Variants in SOBP observed in about 807,000 individuals in gnomAD.
The protein encoded by SOBP is sine oculis-binding protein homolog.
Under a neutral mutation model 53.6 loss-of-function variants are expected in SOBP, and 4 were observed. The ratio of observed to expected loss-of-function variants is 0.07; its 90% CI spans 0.04 to 0.17. SOBP has a LOEUF of 0.17. Among genes scored for constraint, SOBP ranks in the 10% least tolerant of loss-of-function variants. The probability of loss-of-function intolerance (pLI) is 1.00; values close to 1 mark genes in which losing one functional copy is unlikely to be tolerated. For missense variants in SOBP, 1,088 were observed against 1,204.7 expected (o/e 0.90, Z 1.43); for synonymous variants, 584 against 522.6 (o/e 1.12, Z -1.60).
chr6:107,551,130 C>G (rs796718049), intron 4 of SOBP, among the ~76,000 whole-genome samples: 1 of 152,180 alleles, frequency 6.6e-6, no homozygotes, highest in South Asian at 2.1e-4. Flanking sequence ...GCCGAGAAAA[C>G]TGTGGCCCTG....
At chr6:107,532,749 A>T (rs1463600038) in intron 3 of SOBP, among the ~76,000 whole-genome samples, 1 of 151,994 alleles carries the variant, frequency 6.6e-6, no homozygotes, top group Non-Finnish European at 1.5e-5. Context: ...CCCTCCATCC[A>T]GGGCCCAGGA....
At chr6:107,620,200 T>C (rs1786952970) in intron 5 of SOBP, among the ~76,000 whole-genome samples, 1 of 152,332 alleles carries the variant, frequency 6.6e-6, no homozygotes, top group Middle Eastern at 3.4e-3. Flanking sequence ...CTTCCTGATT[T>C]AGCACGAGGC....
intron 4 of SOBP, among the ~76,000 whole-genome samples, chr6:107,557,193 A>G (rs188452525): frequency 8.3e-4 from 126 of 152,342 alleles, no homozygotes; most frequent in African/African-American, 2.9e-3. Context: ...AAACTGAGGT[A>G]TAGAAAATAT....
At chr6:107,629,690 T>C (rs1770619678) in intron 5 of SOBP, among the ~76,000 whole-genome samples, 2 of 152,202 alleles carry the variant, frequency 1.3e-5, no homozygotes, top group African/African-American at 4.8e-5. Flanking sequence ...TTTGGAGCAG[T>C]TGAGCGGTGT....
At chr6:107,527,679 G>A (rs1015081090) in intron 3 of SOBP, among the ~76,000 whole-genome samples, 2 of 152,180 alleles carry the variant, frequency 1.3e-5, no homozygotes, top group African/African-American at 4.8e-5. Context: ...ACTAGAAGGG[G>A]CAATATTAGT....
chr6:107,535,751 A>G (rs901673225), intron 4 of SOBP, among the ~76,000 whole-genome samples: 1 of 151,964 alleles, frequency 6.6e-6, no homozygotes, highest in Non-Finnish European at 1.5e-5. Flanking sequence ...TACAATAAAC[A>G]TGTACAGCTG....
rs951915149 is a variant in SOBP at position 107,604,362 on chromosome 6, G to A, written c.669+17187G>A. ...GCTTGTTAGTGGATACAGCAGCCTC[G>A]GTCTGTGAGATAAATCCTTGCCTAG... is the stretch of plus-strand genomic sequence containing the variant. On this transcript the variant is annotated intron_variant, in intron 5 of 6. Transcript: ENST00000317357. 7.9e-5 allele frequency among the ~76,000 whole-genome samples: 12 copies of A among 152,258 alleles called. No homozygotes were observed. The South Asian group carries it at 1.7e-3, about 21-fold the overall frequency.
intron 4 of SOBP, among the ~76,000 whole-genome samples, chr6:107,571,490 G>A (rs1349328835): frequency 1.3e-5 from 2 of 152,146 alleles, no homozygotes; most frequent in South Asian, 2.1e-4. Context: ...TCCCCTTAAC[G>A]CCTGAGCTTT....
intron 5 of SOBP, among the ~76,000 whole-genome samples, chr6:107,593,619 G>A (rs775070311): frequency 2.0e-4 from 30 of 152,128 alleles, no homozygotes; most frequent in African/African-American, 7.0e-4. Flanking sequence ...TCAATATGAC[G>A]AGAATAAATA....
At chr6:107,602,397 T>C (rs924958932) in intron 5 of SOBP, among the ~76,000 whole-genome samples, 2 of 152,016 alleles carry the variant, frequency 1.3e-5, no homozygotes, top group Non-Finnish European at 2.9e-5. Context: ...ACTCAAATAG[T>C]GACTTGCTTC....
intron 6 of SOBP, among the ~76,000 whole-genome samples, chr6:107,648,497 G>A (rs923462753): frequency 7.2e-5 from 11 of 152,084 alleles, no homozygotes; most frequent in Admixed American, 4.6e-4. Context: ...CAGCTAGTTC[G>A]TGTGTTGGAT....
intron 4 of SOBP, among the ~76,000 whole-genome samples, chr6:107,544,809 TCA>T (rs1491030573): frequency 3.0e-5 from 1 of 33,626 alleles, no homozygotes; most frequent in Non-Finnish European, 4.0e-5. Flanking sequence ...GTTTGCAAAT[TCA>T]TTCATTCATT....
chr6:107,521,343 G>A (rs1163608316), intron 3 of SOBP, among the ~76,000 whole-genome samples: 2 of 151,904 alleles, frequency 1.3e-5, no homozygotes, highest in South Asian at 2.1e-4. Context: ...TTAATAATAA[G>A]GAATGATGAG....
In SOBP at chr6:107,660,969, C is replaced by T. The variant is rs913827246; in HGVS notation, c.*2766C>T. On this transcript the variant is annotated 3_prime_UTR_variant, in exon 7 of 7. Transcript: ENST00000317357. The stretch of plus-strand genomic sequence containing the variant: ...AGAGTTATATTTATGGCGGTGACTC[C>T]GTCTGAACTCTGCCGAGGCAAGCCC... 3.9e-5 allele frequency among the ~76,000 whole-genome samples: 6 copies of T among 152,254 alleles called. No homozygotes were observed. The highest frequency in any genetic ancestry group is 2.1e-4 in the South Asian group (1 of 4,822).
At chr6:107,619,643 C>T (rs1324911998) in intron 5 of SOBP, among the ~76,000 whole-genome samples, 1 of 152,034 alleles carries the variant, frequency 6.6e-6, no homozygotes, top group Non-Finnish European at 1.5e-5. Context: ...TAGACAAGAA[C>T]CTGAGAGAGT....
At chr6:107,555,546 A>T (rs898194578) in intron 4 of SOBP, among the ~76,000 whole-genome samples, 7 of 152,184 alleles carry the variant, frequency 4.6e-5, no homozygotes, top group Non-Finnish European at 8.8e-5. Flanking sequence ...AGCGCCTTGC[A>T]CTCCAACAAT....
chr6:107,621,307 G>T (rs549794339), intron 5 of SOBP: 1 of 156,146 alleles, frequency 6.4e-6, no homozygotes. Flanking sequence ...GGATGGAGTT[G>T]TAAGAGGGAT....
chr6:107,614,984 A>G (rs1460979266), intron 5 of SOBP, among the ~76,000 whole-genome samples: 1 of 152,196 alleles, frequency 6.6e-6, no homozygotes, highest in Non-Finnish European at 1.5e-5. Context: ...ATGTTTCCTG[A>G]TAACTGTGTA....
rs1770473919 is a variant in SOBP at position 107,626,675 on chromosome 6, G to T, written c.670-6839G>T. ...GATGGCAAATTTTTCAGGGCAGAGAGTAGTTGTGATACTTGGAGCTGATAA... is the reference window on the plus strand; with the variant it reads ...GATGGCAAATTTTTCAGGGCAGAGATTAGTTGTGATACTTGGAGCTGATAA... On this transcript the variant is annotated intron_variant, in intron 5 of 6. Transcript: ENST00000317357. Among the ~76,000 whole-genome samples, 3 of 152,228 alleles carry T rather than the reference G, an allele frequency of 2.0e-5. No individual in the cohort carries two copies. In the South Asian group the frequency reaches 6.2e-4, roughly 31 times the overall value.
Sources: allele counts gnomAD v4.1 joint callset (sites outside exome capture counted in the v4.1 genomes callset), GRCh38; gene constraint gnomAD v4.1.1; transcripts MANE v1.5; gene names NCBI Gene and HGNC (gene_info 2026-07-23, HGNC 2026-07-21).